Variants in PTPRS observed in about 807,000 individuals in gnomAD.
The protein encoded by PTPRS is receptor-type tyrosine-protein phosphatase S.
A neutral mutation model predicts 215.3 loss-of-function variants in PTPRS; 63 were observed. That is an observed-to-expected ratio of 0.29 (90% CI 0.24 to 0.36). The LOEUF is 0.36. Among genes scored for constraint, PTPRS ranks in the 10% least tolerant of loss-of-function variants. The pLI, the probability that PTPRS is intolerant of heterozygous loss-of-function variation, is 1.00. For missense variants in PTPRS, 2,258 were observed against 2,825.8 expected (o/e 0.80, Z 4.56); for synonymous variants, 1,404 against 1,191.4 (o/e 1.18, Z -3.68).
At chr19:5,270,486 T>C (rs2046816835) in intron 4 of PTPRS, among the ~76,000 whole-genome samples, 1 of 152,094 alleles carries the variant, frequency 6.6e-6, no homozygotes, top group Non-Finnish European at 1.5e-5. Context: ...TGTAGAGACT[T>C]GGACAGTGAG....
chr19:5,223,328 C>T (rs1001864165), intron 17 of PTPRS, 31 bp from the exon 18 acceptor site: 1 of 1,430,486 alleles, frequency 7.0e-7, no homozygotes, highest in South Asian at 1.5e-5. Context: ...TGTCAGGGTC[C>T]CAGCGCCATC....
Position 5,244,368 on chromosome 19 carries a change from T to G in PTPRS, c.1103A>C (p.Lys368Thr), listed in dbSNP as rs1343205425. ...DPVSYYVIEY[K>T]SKSQDGPYQI... ...ATACGGCCCGTCTTGGCTCTTGGATTTATATTCGATGACGTAATAGGACAC... is the reference window on the plus strand; with the variant it reads ...ATACGGCCCGTCTTGGCTCTTGGATGTATATTCGATGACGTAATAGGACAC... The change falls in exon 11 of 38, where the codon AAA becomes ACA. Residue 368 changes from lysine (K) to threonine (T), a missense_variant. This residue lies in a region of PTPRS where 508 missense variants were observed against 799.4 expected (regional missense o/e 0.64). Transcript: ENST00000262963. The surrounding 1 kb of genome is among the most constrained non-coding windows in gnomAD (Gnocchi z 7.2). 1 of 1,614,160 alleles carries G rather than the reference T, an allele frequency of 6.2e-7. No individual in the cohort carries two copies. Among genetic ancestry groups the G allele is most frequent in the Admixed American group, 1.7e-5 (1 of 60,032 alleles).
chr19:5,209,724 C>T (rs2040690099), intron 35 of PTPRS, among the ~76,000 whole-genome samples: 1 of 152,186 alleles, frequency 6.6e-6, no homozygotes, highest in African/African-American at 2.4e-5. Flanking sequence ...TACCACATTC[C>T]ACTGACATTC....
chr19:5,248,928 T>C (rs1212264995), intron 9 of PTPRS, among the ~76,000 whole-genome samples: 1 of 152,236 alleles, frequency 6.6e-6, no homozygotes, highest in Non-Finnish European at 1.5e-5. Context: ...AACTCAGGCA[T>C]GGAGCTGGTG....
intron 1 of PTPRS, among the ~76,000 whole-genome samples, chr19:5,325,944 C>T (rs34639694): frequency 0.21 from 31,527 of 152,178 alleles, 3,505 homozygotes; most frequent in Middle Eastern, 0.28. Flanking sequence ...CATTCAATAA[C>T]ACTGGGACAG....
Position 5,336,180 on chromosome 19 carries a change from C to T in PTPRS, c.-95+4484G>A, listed in dbSNP as rs530150388. On this transcript the variant is annotated intron_variant, in intron 1 of 37. Transcript: ENST00000262963. ...CTCCCCAGCGCTTCTCAAATATCAG[C>T]CAGAGACAAGACAGAAATGGTACGT... is the stretch of plus-strand genomic sequence containing the variant. 4.3e-4 allele frequency among the ~76,000 whole-genome samples: 64 copies of T among 148,732 alleles called. 1 individual carries two copies. The highest frequency in any genetic ancestry group is 1.5e-3 in the African/African-American group (59 of 40,296).
intron 1 of PTPRS, among the ~76,000 whole-genome samples, chr19:5,292,959 G>A (rs1161480774): frequency 6.6e-6 from 1 of 152,164 alleles, no homozygotes; most frequent in Non-Finnish European, 1.5e-5. Context: ...CCTGAATGGG[G>A]GGGCGCCAGG....
intron 33 of PTPRS, among the ~76,000 whole-genome samples, 172 bp downstream of exon 33, chr19:5,211,418 C>T (rs887746679): frequency 6.6e-6 from 1 of 152,102 alleles, no homozygotes; most frequent in Non-Finnish European, 1.5e-5. Context: ...AACACACACC[C>T]AAAGATTCAC....
chr19:5,309,407 G>A (rs773204621), intron 1 of PTPRS, among the ~76,000 whole-genome samples: 1 of 152,162 alleles, frequency 6.6e-6, no homozygotes, highest in Non-Finnish European at 1.5e-5. Context: ...ATATTAACTC[G>A]TTTTGTTGTG....
intron 13 of PTPRS, among the ~76,000 whole-genome samples, chr19:5,234,315 T>C (rs992029900): frequency 1.3e-5 from 2 of 152,040 alleles, no homozygotes; most frequent in African/African-American, 4.8e-5. Flanking sequence ...GTGTGCCAGA[T>C]AGAATGTCAA....
At chr19:5,214,275 A>G (rs1249955574) in intron 30 of PTPRS, 86 bp downstream of exon 30, 19 of 1,575,724 alleles carry the variant, frequency 1.2e-5, no homozygotes, top group East Asian at 6.8e-5. Flanking sequence ...TCCCATGGGG[A>G]GCTCCCTGGG....
chr19:5,312,008 T>C (rs570753180), intron 1 of PTPRS, among the ~76,000 whole-genome samples: 9 of 151,536 alleles, frequency 5.9e-5, no homozygotes, highest in African/African-American at 1.2e-4. Context: ...CGCCACTGCA[T>C]TCCAGCCTGG....
chr19:5,318,327 G>A (rs1290988699), intron 1 of PTPRS, among the ~76,000 whole-genome samples: 6 of 149,888 alleles, frequency 4.0e-5, no homozygotes, highest in African/African-American at 1.2e-4. Context: ...GCAACAAGGT[G>A]AGACTGTCTC....
intron 6 of PTPRS, 24 bp downstream of exon 6, chr19:5,262,940 A>AC: frequency 6.3e-7 from 1 of 1,578,372 alleles, no homozygotes. Context: ...TTAGTTGTTG[A>AC]CGTGGTGATG....
intron 1 of PTPRS, among the ~76,000 whole-genome samples, chr19:5,291,634 T>C (rs2048825898): frequency 6.6e-6 from 1 of 152,180 alleles, no homozygotes; most frequent in African/African-American, 2.4e-5. Flanking sequence ...CAGAATACAC[T>C]GCCTCAGGTC....
At chr19:5,228,371 G>A (rs114267813) in intron 16 of PTPRS, among the ~76,000 whole-genome samples, 2 of 120,090 alleles carry the variant, frequency 1.7e-5, no homozygotes, top group South Asian at 2.4e-4. Flanking sequence ...AAAGAGACAG[G>A]GTCTCCCTCT....
chr19:5,275,196 G>A (rs778381595), intron 2 of PTPRS, among the ~76,000 whole-genome samples: 3 of 150,238 alleles, frequency 2.0e-5, no homozygotes, highest in Non-Finnish European at 4.4e-5. Context: ...TCAGCCTCCC[G>A]AGTAGCTGGG....
chr19:5,260,765 G>A (rs1458317579), intron 7 of PTPRS, 40 bp downstream of exon 7: 1 of 1,612,574 alleles, frequency 6.2e-7, no homozygotes, highest in African/African-American at 1.3e-5. Flanking sequence ...TGGGCAGCAA[G>A]AGCGAGCGTG....
At chr19:5,307,730 G>A (rs2049544906) in intron 1 of PTPRS, among the ~76,000 whole-genome samples, 1 of 152,232 alleles carries the variant, frequency 6.6e-6, no homozygotes, top group African/African-American at 2.4e-5. Context: ...CGGTTGCACT[G>A]GACACATTTC....
Sources: gnomAD v4.1 joint callset for allele counts (sites outside exome capture counted in the v4.1 genomes callset) on GRCh38, gnomAD v4.1.1 for gene constraint, gnomAD v4.1.1 regional missense constraint, Gnocchi (gnomAD v3.1) non-coding constraint, MANE v1.5 for transcripts, NCBI Gene and HGNC (gene_info 2026-07-23, HGNC 2026-07-21) for gene names.